Variants in KANSL1 observed in about 807,000 individuals in gnomAD.
The protein encoded by KANSL1 is MLL1/MLL complex subunit KANSL1.
In KANSL1, 22 loss-of-function variants were observed where a neutral mutation model predicts 103.6. The observed-to-expected ratio is 0.21, with a 90% CI of 0.15 to 0.30. KANSL1 has a LOEUF of 0.30. Ranked by LOEUF, KANSL1 falls within the 10% of genes least tolerant of loss-of-function variation. The pLI, the probability that KANSL1 is intolerant of heterozygous loss-of-function variation, is 1.00. For synonymous variants in KANSL1, 600 were observed against 527.6 expected (o/e 1.14, Z -1.88); for missense variants, 1,337 against 1,399.8 (o/e 0.96, Z 0.72).
At chr17:46,215,130 T>A (rs2148040186) in intron 1 of KANSL1, 1 of 152,540 alleles carries the variant, frequency 6.6e-6, no homozygotes, top group South Asian at 2.1e-4. Context: ...TGTAACTGGC[T>A]GTGATCAATT....
At chr17:46,206,021 G>A (rs1377302008) in intron 1 of KANSL1, among the ~76,000 whole-genome samples, 4 of 146,600 alleles carry the variant, frequency 2.7e-5, no homozygotes, top group Admixed American at 7.0e-5. Flanking sequence ...CAGCTGCAGT[G>A]AGCCATGATT....
At position 46,220,215 on chromosome 17, in the gene KANSL1, T is replaced by C. The variant is rs1327634040; in HGVS notation, c.-90+3456A>G. ...AAGGAAGGATTGAGATGCTGTTCTT[T>C]AAAATTTTTTTTTTTTTTTGAGACG... On this transcript the variant is annotated intron_variant, in intron 1 of 14. Coordinates refer to the KANSL1 transcript ENST00000572904. Among the ~76,000 whole-genome samples the C allele has an allele frequency of 2.0e-5, 3 of 151,850 alleles. No homozygotes were observed. In the Admixed American group the frequency reaches 2.0e-4, roughly 10 times the overall value.
chr17:46,130,875 G>C (rs1380639671), intron 2 of KANSL1, among the ~76,000 whole-genome samples: 2 of 152,234 alleles, frequency 1.3e-5, no homozygotes, highest in East Asian at 3.8e-4. Context: ...CAGGGGTACA[G>C]AGGAATGAAA....
At chr17:46,063,891 T>C (rs926903797) in intron 6 of KANSL1, among the ~76,000 whole-genome samples, 3 of 143,616 alleles carry the variant, frequency 2.1e-5, no homozygotes, top group East Asian at 2.0e-4. Context: ...TTTCATGAGG[T>C]GGCGGTTTTT....
At chr17:46,109,188 T>C (rs1260549768) in intron 2 of KANSL1, among the ~76,000 whole-genome samples, 1 of 152,128 alleles carries the variant, frequency 6.6e-6, no homozygotes, top group Non-Finnish European at 1.5e-5. Context: ...GCTCAGGTGA[T>C]TCTCCTGCCT....
chr17:46,172,963 A>C (rs1253051746), intron 1 of KANSL1, among the ~76,000 whole-genome samples: 1 of 152,220 alleles, frequency 6.6e-6, no homozygotes, highest in African/African-American at 2.4e-5. Context: ...CTTCTCTAAG[A>C]ATAGTATAAA....
intron 7 of KANSL1, chr17:46,043,391 C>G (rs2077395294): frequency 6.6e-6 from 1 of 151,988 alleles, no homozygotes; most frequent in Non-Finnish European, 1.5e-5. Flanking sequence ...GGATTCAGGT[C>G]CTGGTTCTAT....
At position 46,193,356 on chromosome 17, in the gene KANSL1, T is replaced by TGGCGGCGGCGGCGGC. The variant is rs778768994; in HGVS notation, c.-624_-623insGCCGCCGCCGCCGCC. 1 of 156,764 alleles carries TGGCGGCGGCGGCGGC rather than the reference T, an allele frequency of 6.4e-6. No homozygotes were observed. Among genetic ancestry groups the TGGCGGCGGCGGCGGC allele is most frequent in the Non-Finnish European group, 1.4e-5 (1 of 72,836 alleles). 9.7% of individuals were successfully genotyped at this position (156,764 alleles called of 1,614,324 possible). ...CCGGCTCGGCGAGCGGTGGCGGCGG[T>TGGCGGCGGCGGCGGC]GGCGGCGGCACTGGGAAAATGGCGG... On this transcript the variant is annotated 5_prime_UTR_variant, in exon 1 of 15. Coordinates refer to ENST00000432791, the MANE Select transcript of KANSL1 (RefSeq NM_015443.4).
intron 7 of KANSL1, among the ~76,000 whole-genome samples, chr17:46,046,473 T>C (rs2077507523): frequency 7.9e-6 from 1 of 126,436 alleles, no homozygotes; most frequent in Non-Finnish European, 1.5e-5. Context: ...GATGCTGCAA[T>C]GAGCCAAAAA....
intron 7 of KANSL1, chr17:46,045,440 A>AAAAAAAAAAAAATATATATAT (rs950085495): frequency 2.8e-5 from 4 of 144,860 alleles, no homozygotes; most frequent in African/African-American, 4.9e-5. Context: ...TACATGTAAA[A>AAAAAAAAAAAAATATATATAT]ATATATATAT....
At chr17:46,044,217 AGAG>A (rs2077424256) in intron 7 of KANSL1, 1 of 152,206 alleles carries the variant, frequency 6.6e-6, no homozygotes, top group Admixed American at 6.5e-5. Context: ...TGCTATTTTC[AGAG>A]AAGAGGGTGC....
chr17:46,215,833 G>A (rs540389858), intron 1 of KANSL1, among the ~76,000 whole-genome samples: 808 of 152,120 alleles, frequency 5.3e-3, no homozygotes, highest in Middle Eastern at 0.042. Flanking sequence ...CTGAGGTCAG[G>A]AGTTCAAGCC....
chr17:46,219,255 A>AAAAAAG (rs1567814525), intron 1 of KANSL1, among the ~76,000 whole-genome samples: 4 of 149,822 alleles, frequency 2.7e-5, no homozygotes, highest in African/African-American at 7.3e-5. Flanking sequence ...TCTCATAAAA[A>AAAAAAG]AAAAAAAAGG....
intron 2 of KANSL1, among the ~76,000 whole-genome samples, chr17:46,127,455 G>A (rs932089108): frequency 1.3e-5 from 2 of 152,130 alleles, no homozygotes; most frequent in Non-Finnish European, 1.5e-5. Flanking sequence ...ATCCCGCTCC[G>A]GCAACAACAA....
intron 3 of KANSL1, among the ~76,000 whole-genome samples, chr17:46,092,457 A>T (rs2079434109): frequency 6.6e-6 from 1 of 152,220 alleles, no homozygotes; most frequent in Admixed American, 6.5e-5. Context: ...AGAACATAAA[A>T]GAGCATTCAT....
chr17:46,166,378 G>A (rs1041850580), intron 2 of KANSL1, among the ~76,000 whole-genome samples: 106 of 152,040 alleles, frequency 7.0e-4, no homozygotes, highest in Non-Finnish European at 1.1e-3. Context: ...CGGGCGTGGT[G>A]ACAGGCACCT....
At chr17:46,167,287 CT>C (rs2046054575) in intron 2 of KANSL1, among the ~76,000 whole-genome samples, 1 of 152,028 alleles carries the variant, frequency 6.6e-6, no homozygotes, top group African/African-American at 2.4e-5. Context: ...AAAAACAACT[CT>C]AAGAGGGAAA....
intron 2 of KANSL1, among the ~76,000 whole-genome samples, chr17:46,152,045 T>C (rs1404052558): frequency 2.6e-5 from 4 of 152,232 alleles, no homozygotes; most frequent in Non-Finnish European, 4.4e-5. Flanking sequence ...GTGATTCTAG[T>C]GTATAGCAAA....
upstream of KANSL1, among the ~76,000 whole-genome samples, chr17:46,225,111 G>T (rs1410326244): frequency 6.6e-6 from 1 of 151,794 alleles, no homozygotes; most frequent in Non-Finnish European, 1.5e-5. Flanking sequence ...GCTGGGCGGG[G>T]GTCCCCGTGC....
Sources: allele counts gnomAD v4.1 joint callset (sites outside exome capture counted in the v4.1 genomes callset), GRCh38; gene constraint gnomAD v4.1.1; transcripts MANE v1.5; gene names NCBI Gene and HGNC (gene_info 2026-07-23, HGNC 2026-07-21).